Variants in PPP2R5E observed in about 807,000 individuals in gnomAD.
PPP2R5E encodes protein phosphatase 2 regulatory subunit B'epsilon, also known as serine/threonine-protein phosphatase 2A 56 kDa regulatory subunit epsilon isoform.
PPP2R5E carries 4 observed loss-of-function variants against 65.3 expected under a neutral mutation model. The ratio of observed to expected loss-of-function variants is 0.06; its 90% CI spans 0.03 to 0.14. The LOEUF is 0.14. Among genes scored for constraint, PPP2R5E ranks in the 10% least tolerant of loss-of-function variants. The pLI is 1.00. For synonymous variants in PPP2R5E, 183 were observed against 187.4 expected (o/e 0.98, Z 0.19); for missense variants, 274 against 556.1 (o/e 0.49, Z 5.10).
At chr14:63,466,710 A>C (rs1889818531) in intron 2 of PPP2R5E, among the ~76,000 whole-genome samples, 1 of 152,212 alleles carries the variant, frequency 6.6e-6, no homozygotes, top group South Asian at 2.1e-4. Context: ...GAATTATTCA[A>C]GCATAAAACA....
chr14:63,413,842 A>ATGT (rs1886540995), intron 5 of PPP2R5E, among the ~76,000 whole-genome samples: 1 of 152,056 alleles, frequency 6.6e-6, no homozygotes, highest in Admixed American at 6.6e-5. Context: ...AAACCCTCTC[A>ATGT]TGTTAAAGTG....
intron 1 of PPP2R5E, among the ~76,000 whole-genome samples, chr14:63,541,603 G>A (rs914451092): frequency 6.6e-6 from 1 of 152,206 alleles, no homozygotes; most frequent in African/African-American, 2.4e-5. Context: ...TGGGGGAAAT[G>A]CTGAAATGCA....
chr14:63,479,348 C>T (rs1890577108), intron 2 of PPP2R5E: 1 of 152,096 alleles, frequency 6.6e-6, no homozygotes, highest in Non-Finnish European at 1.5e-5. Flanking sequence ...GCAGACATCA[C>T]CCCTCAAGGA....
rs1334386552 is a variant in PPP2R5E at position 63,382,153 on chromosome 14, T to C, written c.1207A>G (p.Ile403Val). Residue 403 changes from isoleucine to valine, a missense_variant, in exon 13 of 14, where the codon ATT (isoleucine) becomes GTT (valine). Ile to Val is a conservative substitution (Grantham distance 29, BLOSUM62 3). Transcript: ENST00000337537. ...RISKEHWNPA[I>V]VALVYNVLKA... ...AACACATTGTACACCAACGCCACAA[T>C]AGCCCTGGAAAGCACAGAAAAAAAG... The C allele has an allele frequency of 1.9e-6, 3 of 1,613,006 alleles. No homozygotes were observed. Among genetic ancestry groups the C allele is most frequent in the Admixed American group, 3.3e-5 (2 of 59,942 alleles).
intron 3 of PPP2R5E, among the ~76,000 whole-genome samples, chr14:63,426,642 C>T (rs1004591548): frequency 9.0e-5 from 13 of 143,944 alleles, no homozygotes; most frequent in African/African-American, 3.3e-4. Context: ...TTATATAAGA[C>T]TACTGCTGTC....
intron 2 of PPP2R5E, among the ~76,000 whole-genome samples, chr14:63,516,760 T>C (rs917566096): frequency 1.3e-5 from 2 of 152,188 alleles, no homozygotes; most frequent in Non-Finnish European, 2.9e-5. Flanking sequence ...GTGAACACAA[T>C]GCTTTCACAT....
intron 11 of PPP2R5E, 70 bp downstream of exon 11, chr14:63,389,542 G>T: frequency 6.7e-7 from 1 of 1,485,248 alleles, no homozygotes; most frequent in Non-Finnish European, 9.0e-7. Context: ...CCATTACATT[G>T]CTTTTGAAAC....
At chr14:63,435,998 C>T (rs746833329) in intron 3 of PPP2R5E, among the ~76,000 whole-genome samples, 2 of 152,162 alleles carry the variant, frequency 1.3e-5, no homozygotes, top group African/African-American at 2.4e-5. Context: ...AGTCATAGTG[C>T]TTACTGTGTA....
At chr14:63,429,123 T>C (rs972621805) in intron 3 of PPP2R5E, among the ~76,000 whole-genome samples, 6 of 152,240 alleles carry the variant, frequency 3.9e-5, no homozygotes, top group Admixed American at 1.3e-4. Flanking sequence ...GGGCATGTAA[T>C]GTGATCAGGG....
intron 7 of PPP2R5E, 141 bp from the exon 8 acceptor site, chr14:63,394,069 C>A: frequency 6.5e-6 from 2 of 306,672 alleles, no homozygotes; most frequent in Non-Finnish European, 1.2e-5. Flanking sequence ...TTCAGAATTT[C>A]CTTTTTTTTT....
intron 5 of PPP2R5E, among the ~76,000 whole-genome samples, chr14:63,399,366 C>CTTTCTTTCTT (rs1885604828): frequency 2.1e-5 from 1 of 48,504 alleles, no homozygotes; most frequent in Non-Finnish European, 3.6e-5. Context: ...GGATTTCTTT[C>CTTTCTTTCTT]TTTTTTTTTT....
At chr14:63,534,854 A>C (rs1893601432) in intron 2 of PPP2R5E, among the ~76,000 whole-genome samples, 1 of 152,192 alleles carries the variant, frequency 6.6e-6, no homozygotes, top group Non-Finnish European at 1.5e-5. Context: ...TCTTGGGCTT[A>C]AGCGAGCCTC....
intron 2 of PPP2R5E, among the ~76,000 whole-genome samples, chr14:63,456,516 G>T (rs1306410205): frequency 6.6e-6 from 1 of 152,180 alleles, no homozygotes; most frequent in Non-Finnish European, 1.5e-5. Flanking sequence ...CATTTATTGG[G>T]CACTTTATCT....
At position 63,383,435 on chromosome 14, in the gene PPP2R5E, C is replaced by T. The variant is rs113487707; in HGVS notation, c.1202+1009G>A. Among the ~76,000 whole-genome samples the T allele has an allele frequency of 9.8e-3, 1,495 of 152,210 alleles. 16 individuals are homozygous for T. The highest frequency in any genetic ancestry group is 0.027 in the Middle Eastern group (8 of 294). ...TAAGGTTCCAGAATGACCTTCCTCC[C>T]AAGGGCAGTGATGGGAAAGCACCAA... On this transcript the variant is annotated intron_variant, in intron 12 of 13. Transcript: ENST00000337537.
chr14:63,382,575 A>G (rs1244003266), intron 12 of PPP2R5E, among the ~76,000 whole-genome samples: 1 of 151,586 alleles, frequency 6.6e-6, no homozygotes, highest in Non-Finnish European at 1.5e-5. Flanking sequence ...CTAATTTTGT[A>G]TTTTTAGTAG....
chr14:63,444,832 A>C (rs1888398286), intron 3 of PPP2R5E, among the ~76,000 whole-genome samples: 1 of 152,252 alleles, frequency 6.6e-6, no homozygotes, highest in Non-Finnish European at 1.5e-5. Flanking sequence ...AGAATGGAGC[A>C]AAGCCTAAAG....
chr14:63,465,352 G>A lies in PPP2R5E; in HGVS notation c.158-11467C>T, dbSNP rs551276063. Among the ~76,000 whole-genome samples the A allele has an allele frequency of 4.0e-5, 6 of 148,276 alleles. 1 individual carries two copies. The highest frequency in any genetic ancestry group is 1.5e-4 in the African/African-American group (6 of 40,046). On this transcript the variant is annotated intron_variant, in intron 2 of 13. Transcript: ENST00000337537. ...TTTTTGACCGGGCATGGTGGCTCAC[G>A]CCCGTAATCCCAGCACTTTGGAAGG...
chr14:63,441,235 ACT>A (rs1398638448), intron 3 of PPP2R5E, among the ~76,000 whole-genome samples: 11 of 152,244 alleles, frequency 7.2e-5, no homozygotes, highest in Non-Finnish European at 1.2e-4. Flanking sequence ...TTGTGAAGAG[ACT>A]CTAAGGATTA....
At position 63,540,722 on chromosome 14, in the gene PPP2R5E, CA is replaced by C. The variant is rs554898958; in HGVS notation, c.-7-1031del. Among the ~76,000 whole-genome samples the C allele has an allele frequency of 9.3e-3, 857 of 91,696 alleles. 3 individuals carry two copies. Among genetic ancestry groups the C allele is most frequent in the African/African-American group, 0.02 (567 of 28,042 alleles). 60.2% of individuals were successfully genotyped at this position (91,696 alleles called of 152,430 possible). ...GGGCAGCAAGAGGAAAACTCCTTCT[CA>C]AAAAAAAAAAAAAGAAACAAACAAA... On this transcript the variant is annotated intron_variant, in intron 1 of 13. Coordinates refer to ENST00000337537, the MANE Select transcript of PPP2R5E (RefSeq NM_006246.5).
Sources: allele counts gnomAD v4.1 joint callset (sites outside exome capture counted in the v4.1 genomes callset), GRCh38; gene constraint gnomAD v4.1.1; transcripts MANE v1.5; gene names NCBI Gene and HGNC (gene_info 2026-07-23, HGNC 2026-07-21).